The following INPP4B variants were observed in gnomAD, a reference collection of about 807,000 sequenced individuals.
INPP4B encodes the protein inositol polyphosphate 4-phosphatase type II.
A neutral mutation model predicts 122.5 loss-of-function variants in INPP4B; 55 were observed. The ratio of observed to expected loss-of-function variants is 0.45; its 90% CI spans 0.36 to 0.56. The LOEUF (loss-of-function observed/expected upper bound fraction) is 0.56. Among genes scored for constraint, INPP4B ranks in the 20% least tolerant of loss-of-function variants. The pLI, the probability that INPP4B is intolerant of heterozygous loss-of-function variation, is 0.00. For synonymous variants in INPP4B, 403 were observed against 388.7 expected, an observed-to-expected ratio of 1.04 and a Z score of -0.43; for missense variants, 1,000 against 1,097.7, an observed-to-expected ratio of 0.91 and a Z score of 1.26.
chr4:142,030,182 C>T, intron 25 of INPP4B: 1 of 1,535,458 alleles, frequency 6.5e-7, no homozygotes, highest in South Asian at 1.2e-5. Flanking sequence ...ACACAACTAG[C>T]AGGTGTGAGC....
intron 1 of INPP4B, chr4:142,766,076 A>G (rs1409433517): frequency 6.6e-6 from 1 of 152,124 alleles, no homozygotes. Context: ...TTGCATAAAC[A>G]TCTTAATCAC....
intron 1 of INPP4B, among the ~76,000 whole-genome samples, chr4:142,799,073 T>A (rs961947128): frequency 1.3e-5 from 2 of 151,858 alleles, no homozygotes; most frequent in Admixed American, 1.3e-4. Flanking sequence ...ATAAATTTTA[T>A]AAAAACACTA....
chr4:142,072,533 G>C (rs1768094793), intron 25 of INPP4B, among the ~76,000 whole-genome samples: 1 of 147,468 alleles, frequency 6.8e-6, no homozygotes, highest in African/African-American at 2.5e-5. Context: ...ATGAATAGTG[G>C]AAATGACTTT....
chr4:142,553,571 A>T lies in INPP4B; in HGVS notation c.-190-90845T>A, dbSNP rs184525452. On this transcript the variant is annotated intron_variant, in intron 2 of 25. Transcript: ENST00000262992. ...AGAGGAGCTGTGGAATAAATACCCC[A>T]GTTCTCTTTTCCTTCAGATGGGATA... Among the ~76,000 whole-genome samples the T allele has an allele frequency of 6.6e-5, 10 of 152,274 alleles. No individual in the cohort carries two copies. The East Asian group carries it at 1.9e-3, about 29-fold the overall frequency.
intron 9 of INPP4B, among the ~76,000 whole-genome samples, chr4:142,278,260 A>G (rs1749561648): frequency 6.6e-6 from 1 of 151,886 alleles, no homozygotes; most frequent in East Asian, 1.9e-4. Context: ...CTTAAATATC[A>G]TTGAACCAGC....
intron 9 of INPP4B, among the ~76,000 whole-genome samples, chr4:142,288,119 C>A (rs1484135111): frequency 6.6e-6 from 1 of 152,170 alleles, no homozygotes; most frequent in Non-Finnish European, 1.5e-5. Flanking sequence ...AGGGTAGGGC[C>A]TCAATATATG....
intron 2 of INPP4B, among the ~76,000 whole-genome samples, chr4:142,640,090 C>A (rs1431572243): frequency 2.6e-5 from 4 of 152,106 alleles, no homozygotes; most frequent in Non-Finnish European, 4.4e-5. Context: ...ACGAGGGCAA[C>A]AGGTGTAAAC....
chr4:142,387,118 C>A (rs1796208183), intron 7 of INPP4B, among the ~76,000 whole-genome samples: 1 of 151,992 alleles, frequency 6.6e-6, no homozygotes, highest in Non-Finnish European at 1.5e-5. Context: ...TGGCTTAGAT[C>A]CAGTTAGAGG....
At chr4:142,546,778 T>A (rs768190638) in intron 2 of INPP4B, among the ~76,000 whole-genome samples, 1 of 152,102 alleles carries the variant, frequency 6.6e-6, no homozygotes, top group Non-Finnish European at 1.5e-5. Context: ...ACAAAATACA[T>A]ATTTGAGGAT....
intron 25 of INPP4B, among the ~76,000 whole-genome samples, chr4:142,067,510 G>T (rs554230109): frequency 1.3e-5 from 2 of 152,132 alleles, no homozygotes; most frequent in African/African-American, 4.8e-5. Flanking sequence ...GGCTTCAGAC[G>T]ATCGGTAACA....
chr4:142,585,189 G>A (rs1371784829), intron 2 of INPP4B, among the ~76,000 whole-genome samples: 3 of 152,122 alleles, frequency 2.0e-5, no homozygotes, highest in African/African-American at 4.8e-5. Context: ...CACTGTCTTA[G>A]CCCTAGACTC....
intron 21 of INPP4B, among the ~76,000 whole-genome samples, chr4:142,117,847 C>T (rs1644219256): frequency 6.6e-6 from 1 of 152,154 alleles, no homozygotes; most frequent in South Asian, 2.1e-4. Context: ...AAGAGGAAGT[C>T]AAATTGTCCC....
chr4:142,688,741 C>A (rs921210454), intron 2 of INPP4B, among the ~76,000 whole-genome samples: 3 of 152,160 alleles, frequency 2.0e-5, no homozygotes, highest in Non-Finnish European at 4.4e-5. Context: ...CTAACAAATT[C>A]GCCATAAGAT....
chr4:142,115,971 A>G (rs1183156127), intron 21 of INPP4B, among the ~76,000 whole-genome samples: 4 of 152,172 alleles, frequency 2.6e-5, no homozygotes, highest in Non-Finnish European at 5.9e-5. Flanking sequence ...AGGAAGATCT[A>G]CCAAGCAAAT....
At chr4:142,611,869 A>T (rs1212281009) in intron 2 of INPP4B, among the ~76,000 whole-genome samples, 1 of 151,900 alleles carries the variant, frequency 6.6e-6, no homozygotes, top group African/African-American at 2.4e-5. Context: ...GGGTTTCACC[A>T]TATTGGTCAG....
chr4:142,797,192 A>G (rs964519697), intron 1 of INPP4B, among the ~76,000 whole-genome samples: 1 of 151,934 alleles, frequency 6.6e-6, no homozygotes, highest in Non-Finnish European at 1.5e-5. Context: ...AAAAAAGCAG[A>G]TAGAGAGCTC....
At chr4:142,746,200 T>TA (rs1297078932) in intron 1 of INPP4B, among the ~76,000 whole-genome samples, 1 of 151,034 alleles carries the variant, frequency 6.6e-6, no homozygotes, top group East Asian at 1.9e-4. Flanking sequence ...AACCAGAAAA[T>TA]AAACCTCAAA....
intron 14 of INPP4B, among the ~76,000 whole-genome samples, chr4:142,205,238 AG>A (rs1842175164): frequency 6.6e-6 from 1 of 152,120 alleles, no homozygotes; most frequent in African/African-American, 2.4e-5. Context: ...AAGTATTTTA[AG>A]GTTAATCAAC....
intron 12 of INPP4B, among the ~76,000 whole-genome samples, chr4:142,220,739 C>T (rs2149696413): frequency 1.3e-5 from 2 of 152,230 alleles, no homozygotes; most frequent in East Asian, 3.9e-4. Context: ...CTAGGGGCTA[C>T]AAGTCCAAGG....
Sources: gnomAD v4.1 joint callset for allele counts (sites outside exome capture counted in the v4.1 genomes callset) on GRCh38, gnomAD v4.1.1 for gene constraint, MANE v1.5 for transcripts, NCBI Gene and HGNC (gene_info 2026-07-23, HGNC 2026-07-21) for gene names.